CDC14B: variants seen among roughly 807,000 people sequenced by gnomAD.
CDC14B encodes the protein cell division cycle 14B.
In CDC14B, 22 loss-of-function variants were observed where a neutral mutation model predicts 64.2. That is an observed-to-expected ratio of 0.34 (90% CI 0.24 to 0.49). The LOEUF (loss-of-function observed/expected upper bound fraction) is 0.49, where lower values mean the gene tolerates loss of function less well. Ranked by LOEUF, CDC14B falls within the 20% of genes least tolerant of loss-of-function variation. The probability of loss-of-function intolerance (pLI) is 0.99; values close to 1 mark genes in which losing one functional copy is unlikely to be tolerated. For missense variants in CDC14B, 498 were observed against 629.9 expected, an observed-to-expected ratio of 0.79 and a Z score of 2.24; for synonymous variants, 191 against 215.8, an observed-to-expected ratio of 0.89 and a Z score of 1.01.
intron 1 of CDC14B, among the ~76,000 whole-genome samples, chr9:96,616,376 A>C (rs1318024779): frequency 6.6e-6 from 1 of 152,092 alleles, no homozygotes; most frequent in African/African-American, 2.4e-5. Flanking sequence ...CAGAAACTTG[A>C]ATGTGCACAG....
intron 4 of CDC14B, among the ~76,000 whole-genome samples, chr9:96,561,654 AT>A (rs1287669232): frequency 0.014 from 1,854 of 136,966 alleles, 11 homozygotes; most frequent in Middle Eastern, 0.039. Flanking sequence ...CATTTTTTGT[AT>A]TTTTTTTTTT....
chr9:96,551,110 G>GTTTTTTTTTTTTTT (rs1841741325), intron 5 of CDC14B, among the ~76,000 whole-genome samples: 2 of 65,970 alleles, frequency 3.0e-5, no homozygotes, highest in African/African-American at 2.3e-4. Flanking sequence ...TTTGGGGTTT[G>GTTTTTTTTTTTTTT]CTTTTTTTTT....
At chr9:96,604,465 C>T (rs1266305383) in intron 1 of CDC14B, among the ~76,000 whole-genome samples, 1 of 151,410 alleles carries the variant, frequency 6.6e-6, no homozygotes, top group East Asian at 1.9e-4. Context: ...ACCACAACCT[C>T]CGCCTCCCGG....
At chr9:96,580,811 A>G (rs1252355060) in intron 1 of CDC14B, among the ~76,000 whole-genome samples, 2 of 152,250 alleles carry the variant, frequency 1.3e-5, no homozygotes, top group Non-Finnish European at 2.9e-5. Flanking sequence ...AAGTAGATCA[A>G]TATGTAATCT....
chr9:96,588,823 T>G (rs1010474648), intron 1 of CDC14B, among the ~76,000 whole-genome samples: 1 of 152,308 alleles, frequency 6.6e-6, no homozygotes, highest in East Asian at 1.9e-4. Context: ...AAAGGGCGGT[T>G]TTAGAAGAAG....
intron 5 of CDC14B, among the ~76,000 whole-genome samples, chr9:96,550,721 T>G (rs781639896): frequency 6.6e-6 from 1 of 152,242 alleles, no homozygotes. Context: ...TACAAGTATT[T>G]AAACTATAGA....
intron 1 of CDC14B, among the ~76,000 whole-genome samples, chr9:96,595,574 T>C (rs1373218645): frequency 6.6e-6 from 1 of 152,224 alleles, no homozygotes; most frequent in Non-Finnish European, 1.5e-5. Flanking sequence ...AACTTGAATG[T>C]GCATCAACTG....
chr9:96,551,574 T>C (rs1587932377), intron 5 of CDC14B, among the ~76,000 whole-genome samples: 1 of 152,104 alleles, frequency 6.6e-6, no homozygotes, highest in African/African-American at 2.4e-5. Context: ...CAGCATCTAG[T>C]GGGCAGAAGC....
chr9:96,570,424 C>A (rs1198865198), intron 1 of CDC14B, among the ~76,000 whole-genome samples: 1 of 152,108 alleles, frequency 6.6e-6, no homozygotes, highest in Admixed American at 6.5e-5. Flanking sequence ...CCTGGCAGAG[C>A]CAATGGAGAA....
chr9:96,580,259 G>A (rs898992727), intron 1 of CDC14B, among the ~76,000 whole-genome samples: 18 of 149,530 alleles, frequency 1.2e-4, no homozygotes, highest in Admixed American at 7.4e-4. Flanking sequence ...ACGGAGTTTC[G>A]CTCTTTTTTT....
chr9:96,566,659 C>T lies in CDC14B; in HGVS notation c.161-1176G>A, dbSNP rs1376467380. On this transcript the variant is annotated intron_variant, in intron 1 of 13. Coordinates refer to ENST00000375241, the MANE Select transcript of CDC14B (RefSeq NM_033331.4). ...GCCGAGGCCACCCACACGCAGGAGA[C>T]AAGGGCGGCCGGGGCCCAGACTAGG... The T allele has an allele frequency of 3.2e-5, 34 of 1,067,076 alleles. No homozygotes were observed. The East Asian group carries it at 8.3e-4, about 26-fold the overall frequency. 66.1% of individuals were successfully genotyped at this position (1,067,076 alleles called of 1,614,324 possible). A position where few individuals can be genotyped will look rare whatever the true frequency, so the allele number is the denominator to read the frequency against.
intron 4 of CDC14B, among the ~76,000 whole-genome samples, chr9:96,558,360 TA>T (rs1366441882): frequency 2.2e-4 from 34 of 152,226 alleles, no homozygotes; most frequent in Admixed American, 2.2e-3. Context: ...GCAACTGCCC[TA>T]ATTTGGCTGT....
chr9:96,505,346 T>C (rs1420873725), intron 13 of CDC14B, among the ~76,000 whole-genome samples: 3 of 152,088 alleles, frequency 2.0e-5, no homozygotes, highest in Non-Finnish European at 2.9e-5. Context: ...CAACTCAGAA[T>C]TAAAGTAACT....
intron 9 of CDC14B, among the ~76,000 whole-genome samples, chr9:96,526,323 G>A (rs1221701360): frequency 6.6e-6 from 1 of 152,264 alleles, no homozygotes; most frequent in Non-Finnish European, 1.5e-5. Flanking sequence ...AGCTGAGATC[G>A]CGCCACTTTA....
intron 6 of CDC14B, among the ~76,000 whole-genome samples, chr9:96,539,969 A>T (rs16911156): frequency 0.018 from 2,763 of 152,344 alleles, 81 homozygotes; most frequent in African/African-American, 0.063. Context: ...CCAGTTTTCA[A>T]AAGTAAACTA....
chr9:96,509,535 A>ATTC, intron 13 of CDC14B, 138 bp downstream of exon 13: 4 of 713,226 alleles, frequency 5.6e-6, no homozygotes, highest in Non-Finnish European at 1.0e-5. Context: ...TGAACAAGGA[A>ATTC]TACACATTTG....
At chr9:96,495,506 A>G (rs1488295739), downstream of CDC14B, among the ~76,000 whole-genome samples, 2 of 150,966 alleles carry the variant, frequency 1.3e-5, no homozygotes, top group Middle Eastern at 3.5e-3. Context: ...GGCGGCCCAC[A>G]TGGATACTGG....
At chr9:96,617,413 T>TA (rs920697659) in intron 1 of CDC14B, among the ~76,000 whole-genome samples, 2 of 151,982 alleles carry the variant, frequency 1.3e-5, no homozygotes, top group Admixed American at 1.3e-4. Context: ...CTAAATAGGT[T>TA]AAAAAACATT....
chr9:96,532,566 C>T (rs1188697055), intron 9 of CDC14B, among the ~76,000 whole-genome samples: 1 of 152,168 alleles, frequency 6.6e-6, no homozygotes, highest in Non-Finnish European at 1.5e-5. Flanking sequence ...TACTTCTCTT[C>T]TCCCTCTGGA....
Sources: gnomAD v4.1 joint callset for allele counts (sites outside exome capture counted in the v4.1 genomes callset) on GRCh38, gnomAD v4.1.1 for gene constraint, MANE v1.5 for transcripts, NCBI Gene and HGNC (gene_info 2026-07-23, HGNC 2026-07-21) for gene names.